Variants in SNX29 observed in about 807,000 individuals in gnomAD.
SNX29 encodes the protein sorting nexin-29.
Under a neutral mutation model 102.1 loss-of-function variants are expected in SNX29, and 78 were observed. The ratio of observed to expected loss-of-function variants is 0.76; its 90% CI spans 0.64 to 0.92. The LOEUF (loss-of-function observed/expected upper bound fraction) is 0.92. Ranked by LOEUF, SNX29 falls within the 40% of genes least tolerant of loss-of-function variation. SNX29 has a pLI of 0.00. For synonymous variants in SNX29, 580 were observed against 414.5 expected, an observed-to-expected ratio of 1.40 and a Z score of -4.85; for missense variants, 1,280 against 1,061.7, an observed-to-expected ratio of 1.21 and a Z score of -2.86.
chr16:12,355,861 AAAAAAAAAAAAAAAAG>A (rs2082117970), intron 15 of SNX29, among the ~76,000 whole-genome samples: 1 of 150,262 alleles, frequency 6.7e-6, no homozygotes, highest in Non-Finnish European at 1.5e-5. Context: ...AAAAAAAAAA[AAAAAAAAAAAAAAAAG>A]AGAGAGGAAA....
chr16:12,562,912 T>A (rs1353639251), intron 20 of SNX29, among the ~76,000 whole-genome samples: 1 of 152,174 alleles, frequency 6.6e-6, no homozygotes, highest in Non-Finnish European at 1.5e-5. Flanking sequence ...TGCTTGAGAT[T>A]CGTCCATGTT....
At chr16:12,201,633 T>G (rs1357031295) in intron 14 of SNX29, among the ~76,000 whole-genome samples, 1 of 152,184 alleles carries the variant, frequency 6.6e-6, no homozygotes, top group Non-Finnish European at 1.5e-5. Flanking sequence ...TATACCTCTT[T>G]CCAGGACACT....
chr16:12,309,296 A>T (rs911561988), intron 15 of SNX29, among the ~76,000 whole-genome samples: 3 of 152,192 alleles, frequency 2.0e-5, no homozygotes, highest in African/African-American at 7.2e-5. Context: ...GGGGAGATGC[A>T]CAGATAGGGG....
intron 20 of SNX29, among the ~76,000 whole-genome samples, chr16:12,553,834 C>G (rs542919464): frequency 2.0e-5 from 3 of 151,850 alleles, no homozygotes; most frequent in Non-Finnish European, 2.9e-5. Flanking sequence ...GATCCACCCA[C>G]CTAGGTCTAC....
chr16:12,296,138 C>T (rs2079972674), intron 15 of SNX29, among the ~76,000 whole-genome samples: 1 of 152,292 alleles, frequency 6.6e-6, no homozygotes, highest in East Asian at 1.9e-4. Flanking sequence ...GGAAAATTCT[C>T]CCCTTCCTGT....
chr16:12,011,304 C>A (rs754281599), intron 3 of SNX29, among the ~76,000 whole-genome samples: 4 of 145,944 alleles, frequency 2.7e-5, no homozygotes, highest in Non-Finnish European at 4.5e-5. Context: ...GAGACAGGAT[C>A]GCACTCTGTC....
At chr16:12,086,629 G>T (rs976875358) in intron 11 of SNX29, 2 of 152,032 alleles carry the variant, frequency 1.3e-5, no homozygotes, top group African/African-American at 2.4e-5. Context: ...TGCCTAGGCT[G>T]GTCTTGAACT....
rs3169266 is a variant in SNX29 at position 12,573,552 on chromosome 16, C to G, written c.*4923C>G. ...TACTGGTGCGTAAGTGTTTTCCCAT[C>G]CTAACCGGAAAACCACTCACCCAGG... On this transcript the variant is annotated 3_prime_UTR_variant, in exon 21 of 21. Coordinates refer to ENST00000566228, the MANE Select transcript of SNX29 (RefSeq NM_032167.5). 50,964 of 223,526 alleles carry G rather than the reference C, an allele frequency of 0.23. 6,286 individuals are homozygous for G. Among genetic ancestry groups the G allele is most frequent in the East Asian group, 0.43 (6,600 of 15,310 alleles). 13.8% of individuals were successfully genotyped at this position (223,526 alleles called of 1,614,324 possible).
At chr16:12,282,891 A>G (rs2079480117) in intron 15 of SNX29, among the ~76,000 whole-genome samples, 2 of 152,186 alleles carry the variant, frequency 1.3e-5, no homozygotes, top group African/African-American at 4.8e-5. Flanking sequence ...ACCTAACCTT[A>G]GGTGATCCGC....
At chr16:12,434,523 C>T (rs184813259) in intron 18 of SNX29, among the ~76,000 whole-genome samples, 163 of 152,198 alleles carry the variant, frequency 1.1e-3, no homozygotes, top group Admixed American at 3.8e-3. Context: ...AAGTGCTAGT[C>T]GGGGGTAATA....
intron 13 of SNX29, among the ~76,000 whole-genome samples, chr16:12,172,570 G>A (rs1256580799): frequency 6.6e-6 from 1 of 152,112 alleles, no homozygotes; most frequent in Non-Finnish European, 1.5e-5. Context: ...TATAAAATGG[G>A]TTTATAATAT....
chr16:12,463,850 G>T (rs2086927574), intron 18 of SNX29, among the ~76,000 whole-genome samples: 1 of 142,842 alleles, frequency 7.0e-6, no homozygotes, highest in African/African-American at 2.6e-5. Context: ...GTGTGTGTGT[G>T]TGTGAGAGAT....
chr16:12,230,137 G>A (rs1217252342), intron 14 of SNX29, among the ~76,000 whole-genome samples: 2 of 152,324 alleles, frequency 1.3e-5, no homozygotes, highest in African/African-American at 4.8e-5. Context: ...TCTGTTCTAG[G>A]AGTGTTTAAA....
intron 20 of SNX29, among the ~76,000 whole-genome samples, chr16:12,565,891 C>G (rs763202116): frequency 2.6e-5 from 4 of 151,962 alleles, no homozygotes; most frequent in African/African-American, 4.8e-5. Flanking sequence ...TGAGTTCCCT[C>G]TCATTGGGGC....
At chr16:12,558,534 A>C (rs1598032977) in intron 20 of SNX29, among the ~76,000 whole-genome samples, 2 of 152,114 alleles carry the variant, frequency 1.3e-5, no homozygotes, top group East Asian at 3.8e-4. Context: ...GGATGCACAC[A>C]CCCCACAGTG....
intron 11 of SNX29, 105 bp from the exon 12 acceptor site, chr16:12,126,528 T>G (rs2054220984): frequency 1.7e-6 from 2 of 1,185,248 alleles, no homozygotes; most frequent in Non-Finnish European, 2.4e-6. Flanking sequence ...AAAAGGGAAC[T>G]TATCTAGACA....
chr16:12,267,243 C>T (rs201145159), intron 14 of SNX29, among the ~76,000 whole-genome samples: 48 of 78,318 alleles, frequency 6.1e-4, no homozygotes, highest in African/African-American at 9.0e-4. Context: ...AGCATGGGTG[C>T]GAGTGTGTGT....
intron 19 of SNX29, among the ~76,000 whole-genome samples, chr16:12,504,854 T>C (rs1434445275): frequency 6.6e-6 from 1 of 152,248 alleles, no homozygotes; most frequent in African/African-American, 2.4e-5. Flanking sequence ...ATCCTGTGGA[T>C]AAGCGGGACC....
At chr16:12,362,751 CA>C (rs2082345366) in intron 16 of SNX29, among the ~76,000 whole-genome samples, 1 of 152,052 alleles carries the variant, frequency 6.6e-6, no homozygotes, top group Admixed American at 6.6e-5. Flanking sequence ...TCACACTTTC[CA>C]AGTTGACTAT....
Sources: allele counts gnomAD v4.1 joint callset (sites outside exome capture counted in the v4.1 genomes callset), GRCh38; gene constraint gnomAD v4.1.1; transcripts MANE v1.5; gene names NCBI Gene and HGNC (gene_info 2026-07-23, HGNC 2026-07-21).